SPG11: variants seen among roughly 807,000 people sequenced by gnomAD.
SPG11 encodes spatacsin.
SPG11 carries 222 observed loss-of-function variants against 274.0 expected under a neutral mutation model. That is an observed-to-expected ratio of 0.81 (90% confidence interval 0.73 to 0.91). The LOEUF (loss-of-function observed/expected upper bound fraction) is 0.91. Among genes scored for constraint, SPG11 ranks in the 40% least tolerant of loss-of-function variants. SPG11 has a pLI of 0.00. For synonymous variants in SPG11, 1,144 were observed against 1,039.7 expected, an observed-to-expected ratio of 1.10 and a Z score of -1.93; for missense variants, 3,114 against 2,872.7, an observed-to-expected ratio of 1.08 and a Z score of -1.92.
chr15:44,610,649 A>T (rs954106305), intron 18 of SPG11, among the ~76,000 whole-genome samples, 191 bp downstream of exon 18: 3 of 152,194 alleles, frequency 2.0e-5, no homozygotes, highest in African/African-American at 4.8e-5. Context: ...AAGTGCTGGG[A>T]TTACAGGAGT....
At chr15:44,621,734 A>G (rs2083757016) in intron 14 of SPG11, 25 bp downstream of exon 14, 1 of 1,608,148 alleles carries the variant, frequency 6.2e-7, no homozygotes, top group Non-Finnish European at 8.5e-7. Flanking sequence ...CAGTATGTTC[A>G]TATTTCAGGC....
chr15:44,623,503 C>T (rs16965152), intron 11 of SPG11, among the ~76,000 whole-genome samples: 8,069 of 152,212 alleles, frequency 0.053, 724 homozygotes, highest in African/African-American at 0.18. Context: ...AGGGCTAGAT[C>T]TCAGCTTAGT....
rs544464268 is a variant in SPG11 at position 44,585,554 on chromosome 15, A to T, written c.5121+82T>A. 329 of 1,161,896 alleles carry T rather than the reference A, an allele frequency of 2.8e-4. 1 individual carries two copies. In the East Asian group the frequency reaches 7.9e-3, roughly 28 times the overall value. 72.0% of individuals were successfully genotyped at this position (1,161,896 alleles called of 1,614,324 possible). A position where few individuals can be genotyped will look rare whatever the true frequency, so the allele number is the denominator to read the frequency against. Reference sequence around the variant, plus strand: ...GAGGCGGAGCTTGCAGCGAGCGGAGATCGCGCCACTGCACTCCAGCCTGGG... The same window carrying T: ...GAGGCGGAGCTTGCAGCGAGCGGAGTTCGCGCCACTGCACTCCAGCCTGGG... On this transcript the variant is annotated intron_variant, in intron 29 of 39. Transcript: ENST00000261866.
chr15:44,586,540 A>G (rs1431565372), intron 28 of SPG11, among the ~76,000 whole-genome samples: 2 of 152,012 alleles, frequency 1.3e-5, no homozygotes, highest in Non-Finnish European at 2.9e-5. Flanking sequence ...GCTACTCGAG[A>G]GGCTGAGGCA....
intron 7 of SPG11, among the ~76,000 whole-genome samples, chr15:44,645,293 AG>A (rs1956025222): frequency 6.6e-6 from 1 of 152,230 alleles, no homozygotes; most frequent in African/African-American, 2.4e-5. Context: ...AGAACAGAAC[AG>A]AGAGCCCAGA....
chr15:44,572,637 G>A, intron 33 of SPG11, 46 bp downstream of exon 33: 1 of 1,610,552 alleles, frequency 6.2e-7, no homozygotes, highest in Non-Finnish European at 8.5e-7. Flanking sequence ...GACCTTTTGA[G>A]ACCTGTTTAG....
At chr15:44,629,535 A>G in intron 8 of SPG11, 147 bp from the exon 9 acceptor site, 1 of 822,996 alleles carries the variant, frequency 1.2e-6, no homozygotes, top group Non-Finnish European at 1.9e-6. Context: ...ACTTTTCTGC[A>G]GGCTTATTAC....
chr15:44,662,109 C>T (rs1405780753), intron 1 of SPG11, among the ~76,000 whole-genome samples: 1 of 152,092 alleles, frequency 6.6e-6, no homozygotes, highest in Non-Finnish European at 1.5e-5. Context: ...CTTGATACTG[C>T]TAAATAAACT....
intron 15 of SPG11, among the ~76,000 whole-genome samples, chr15:44,617,685 GTTT>G (rs925527214): frequency 1.3e-5 from 2 of 151,540 alleles, no homozygotes; most frequent in African/African-American, 4.9e-5. Flanking sequence ...TCTTTTTGTT[GTTT>G]TTTTTGAGAT....
chr15:44,622,008 G>T, intron 13 of SPG11, 74 bp from the exon 14 acceptor site: 2 of 1,262,664 alleles, frequency 1.6e-6, no homozygotes, highest in African/African-American at 1.5e-5. Flanking sequence ...ATCTGCTCAA[G>T]AACATCCACT....
Position 44,663,600 on chromosome 15 carries a change from G to A in SPG11, c.48C>T (p.Ser16=), listed in dbSNP as rs770194020. 6 of 1,596,216 alleles carry A rather than the reference G, an allele frequency of 3.8e-6. No homozygotes were observed. The highest frequency in any genetic ancestry group is 3.3e-4 in the Middle Eastern group (2 of 6,038). The change falls in exon 1 of 40, where the codon AGC becomes AGT. Residue 16 remains serine (S), a synonymous_variant. Coordinates refer to ENST00000261866, the MANE Select transcript of SPG11 (RefSeq NM_025137.4). ...CCCGCCCCATGGCCGCGGTGCCCCA[G>A]CTACCGCCGGCGGAAGCAGCACTCG... The part of the protein sequence containing the change: ...GVASAASAGG[S]WGTAAMGRVL...
At chr15:44,612,005 T>A (rs1049539161) in intron 17 of SPG11, among the ~76,000 whole-genome samples, 3 of 152,090 alleles carry the variant, frequency 2.0e-5, no homozygotes, top group Non-Finnish European at 4.4e-5. Context: ...GAGACGGGGT[T>A]TCCCCGTGTT....
chr15:44,649,052 G>C (rs1341598422), intron 6 of SPG11, 41 bp from the exon 7 acceptor site: 2 of 1,505,842 alleles, frequency 1.3e-6, no homozygotes, highest in Non-Finnish European at 1.8e-6. Flanking sequence ...AATTAGATTA[G>C]ATTTTAGGAT....
At chr15:44,592,532 A>G (rs2082928949) in intron 26 of SPG11, 94 bp from the exon 27 acceptor site, 3 of 813,822 alleles carry the variant, frequency 3.7e-6, no homozygotes, top group South Asian at 1.4e-5. Context: ...AAATGCTATT[A>G]ATAAGGCAGG....
At chr15:44,638,480 A>C (rs1301201786) in intron 7 of SPG11, among the ~76,000 whole-genome samples, 1 of 147,236 alleles carries the variant, frequency 6.8e-6, no homozygotes, top group Middle Eastern at 3.4e-3. Context: ...AAACAAACAA[A>C]CAACAAAAAA....
At chr15:44,584,643 TGTTTGGAC>T in intron 29 of SPG11, 85 bp from the exon 30 acceptor site, 6 of 1,507,544 alleles carry the variant, frequency 4.0e-6, no homozygotes, top group South Asian at 1.1e-5. Flanking sequence ...ATATCATACT[TGTTTGGAC>T]AGGGTCTCAG....
chr15:44,614,022 T>C (rs1241290297), intron 16 of SPG11, among the ~76,000 whole-genome samples: 1 of 152,150 alleles, frequency 6.6e-6, no homozygotes, highest in African/African-American at 2.4e-5. Flanking sequence ...CCAGTCTAAG[T>C]GACAGAGTGA....
chr15:44,620,356 G>A lies in SPG11; in HGVS notation c.2668C>T (p.Arg890Cys), dbSNP rs758877109. 1.2e-5 allele frequency: 19 copies of A among 1,613,958 alleles called. No individual in the cohort carries two copies. In the East Asian group the frequency reaches 1.3e-4, roughly 11 times the overall value. The change falls in exon 15 of 40, where the codon CGC becomes TGC. Residue 890 changes from arginine to cysteine, a missense_variant. By Grantham distance (180) the Arg-to-Cys change is radical (BLOSUM62 -3). Transcript: ENST00000261866. ...AAGATAATGTTTAACCAATCATGGC[G>A]AGCTGTGAGGTATCTCCAGAGGGCT... ...PEALWRYLTARHDWLNIILWI... is the reference protein window; with the variant it reads ...PEALWRYLTACHDWLNIILWI...
intron 30 of SPG11, among the ~76,000 whole-genome samples, chr15:44,577,622 G>A (rs2082567487): frequency 6.6e-6 from 1 of 152,020 alleles, no homozygotes; most frequent in African/African-American, 2.4e-5. Flanking sequence ...TCCAATTCTA[G>A]GTAAGTTGGT....
Sources: allele counts gnomAD v4.1 joint callset (sites outside exome capture counted in the v4.1 genomes callset), GRCh38; gene constraint gnomAD v4.1.1; transcripts MANE v1.5; gene names NCBI Gene and HGNC (gene_info 2026-07-23, HGNC 2026-07-21).